Variants in ALPK1 observed in about 807,000 individuals in gnomAD.
ALPK1 encodes alpha-protein kinase 1.
A neutral mutation model predicts 120.6 loss-of-function variants in ALPK1; 110 were observed. The observed-to-expected ratio is 0.91, with a 90% CI of 0.78 to 1.07. ALPK1 has a LOEUF of 1.07. Among genes scored for constraint, ALPK1 ranks in the 50% least tolerant of loss-of-function variants. The probability of loss-of-function intolerance (pLI) is 0.00; values close to 1 mark genes in which losing one functional copy is unlikely to be tolerated. For synonymous variants in ALPK1, 582 were observed against 560.3 expected (o/e 1.04, Z -0.55); for missense variants, 1,498 against 1,483.9 (o/e 1.01, Z -0.16).
chr4:112,373,423 A>G (rs949402828), intron 2 of ALPK1, among the ~76,000 whole-genome samples: 2 of 152,238 alleles, frequency 1.3e-5, no homozygotes, highest in African/African-American at 4.8e-5. Context: ...TGTGACTTAT[A>G]GACATTTGAG....
At chr4:112,436,862 A>C (rs1734810716) in intron 12 of ALPK1, among the ~76,000 whole-genome samples, 1 of 152,230 alleles carries the variant, frequency 6.6e-6, no homozygotes, top group Non-Finnish European at 1.5e-5. Flanking sequence ...ATTGAGAATA[A>C]GAGACATAGA....
At chr4:112,325,588 G>A (rs143773255) in intron 2 of ALPK1, among the ~76,000 whole-genome samples, 52 of 152,220 alleles carry the variant, frequency 3.4e-4, no homozygotes, top group African/African-American at 1.2e-3. Context: ...GGACCACTGT[G>A]GCCCTCGTGT....
Position 112,337,080 on chromosome 4 carries a change from TTC to T in ALPK1, c.-101+21230_-101+21231del, listed in dbSNP as rs1268459524. Among the ~76,000 whole-genome samples, 4 of 152,148 alleles carry T rather than the reference TTC, an allele frequency of 2.6e-5. 1 individual carries two copies. The highest frequency in any genetic ancestry group is 5.9e-5 in the Non-Finnish European group (4 of 68,004). Reference sequence around the variant, plus strand: ...AATACTGTTTTTATTCCTTTTCCCATTCTGAAAAGAGTCCTTTTTTTATTAGA... The same window carrying T: ...AATACTGTTTTTATTCCTTTTCCCATTGAAAAGAGTCCTTTTTTTATTAGA... On this transcript the variant is annotated intron_variant, in intron 2 of 15. Coordinates refer to ENST00000650871, the MANE Select transcript of ALPK1 (RefSeq NM_025144.4).
At chr4:112,398,898 G>C (rs1732786119) in intron 4 of ALPK1, among the ~76,000 whole-genome samples, 1 of 152,186 alleles carries the variant, frequency 6.6e-6, no homozygotes, top group Non-Finnish European at 1.5e-5. Flanking sequence ...CACAAACGTG[G>C]AGTCAAAACT....
chr4:112,318,961 A>T (rs530123828), intron 2 of ALPK1, among the ~76,000 whole-genome samples: 15 of 152,222 alleles, frequency 9.9e-5, no homozygotes, highest in Non-Finnish European at 2.2e-4. Flanking sequence ...TGGACCCTCC[A>T]TGCCAAGTTC....
Position 112,427,597 on chromosome 4 carries a change from G to A in ALPK1, c.727G>A (p.Ala243Thr), listed in dbSNP as rs373860176. The A allele has an allele frequency of 1.9e-6, 3 of 1,613,980 alleles. No individual in the cohort carries two copies. The highest frequency in any genetic ancestry group is 2.2e-5 in the South Asian group (2 of 91,062). ...KGLSTSLGIL[A>T]DIFVSMSKND... ...CCTCTCCACGTCGCTAGGTATACTG[G>A]CAGACATCTTTGTTTCCATGAGCAA... Residue 243 changes from alanine to threonine, a missense_variant, in exon 9 of 16, where the codon GCA becomes ACA. Transcript: ENST00000650871.
In ALPK1 at chr4:112,357,628, C is replaced by G; in HGVS notation, c.-100-20050C>G. On this transcript the variant is annotated intron_variant, in intron 2 of 15. Transcript: ENST00000650871. ...TTTCCCAGTCTGCCTGGAGAACCCA[C>G]ACATCATCGACAAGCACCAGATCTG... 1.9e-6 allele frequency: 3 copies of G among 1,607,788 alleles called. No individual in the cohort carries two copies. In the Admixed American group the frequency reaches 5.0e-5, roughly 27 times the overall value.
At chr4:112,314,637 T>C (rs1185969734) in intron 1 of ALPK1, among the ~76,000 whole-genome samples, 1 of 152,152 alleles carries the variant, frequency 6.6e-6, no homozygotes, top group Non-Finnish European at 1.5e-5. Context: ...GGAGCCAAAA[T>C]GCCCTGAGAA....
In ALPK1 at chr4:112,435,148, G is replaced by A. The variant is rs1560689631; in HGVS notation, c.3035G>A (p.Ser1012Asn). 2 of 1,594,530 alleles carry A rather than the reference G, an allele frequency of 1.3e-6. No individual in the cohort carries two copies. Among genetic ancestry groups the A allele is most frequent in the Admixed American group, 3.7e-5 (2 of 53,974 alleles). ...TCATTTTCATCTTTTTTTTTCCCAG[G>A]TGCTCTTTTGTTAAAATATTCAAAA... is the stretch of plus-strand genomic sequence containing the variant. Reference protein sequence around the residue: ...FKPSQLHRAHSALLLKYSKKS... With the variant: ...FKPSQLHRAHNALLLKYSKKS... Residue 1012 changes from serine (S) to asparagine (N), a missense_variant and splice_region_variant, in exon 12 of 16, where the codon AGT becomes AAT. Transcript: ENST00000650871.
intron 2 of ALPK1, among the ~76,000 whole-genome samples, chr4:112,319,279 C>G (rs1281668017): frequency 1.3e-5 from 2 of 152,190 alleles, no homozygotes; most frequent in African/African-American, 4.8e-5. Flanking sequence ...TACAAGAGAA[C>G]ATGACCAAAG....
intron 2 of ALPK1, among the ~76,000 whole-genome samples, chr4:112,341,923 G>A (rs1229869321): frequency 6.6e-6 from 1 of 152,156 alleles, no homozygotes; most frequent in Non-Finnish European, 1.5e-5. Flanking sequence ...TGAGGCCACA[G>A]GTTTCTCCAG....
At chr4:112,336,999 G>A (rs962911031) in intron 2 of ALPK1, among the ~76,000 whole-genome samples, 4 of 151,910 alleles carry the variant, frequency 2.6e-5, no homozygotes, top group Non-Finnish European at 4.4e-5. Flanking sequence ...AAGTTTTCAT[G>A]TTTTAAAATT....
chr4:112,430,938 C>T lies in ALPK1; in HGVS notation c.1391C>T (p.Thr464Ile), dbSNP rs1240657063. The T allele has an allele frequency of 1.2e-6, 2 of 1,613,990 alleles. No homozygotes were observed. Among genetic ancestry groups the T allele is most frequent in the East Asian group, 2.2e-5 (1 of 44,896 alleles). The change falls in exon 11 of 16, where the codon ACT becomes ATT. Residue 464 changes from threonine (T) to isoleucine (I), a missense_variant. Coordinates refer to ENST00000650871, the MANE Select transcript of ALPK1 (RefSeq NM_025144.4). Reference sequence around the variant, plus strand: ...CTTGACACCTATTCACAGCACCATACTTCGGTGTGTGAAGTATTTGAAAGT... The same window carrying T: ...CTTGACACCTATTCACAGCACCATATTTCGGTGTGTGAAGTATTTGAAAGT... Reference protein sequence around the residue: ...KILDTYSQHHTSVCEVFESDC... With the variant: ...KILDTYSQHHISVCEVFESDC...
At chr4:112,356,164 C>T (rs536454302) in intron 2 of ALPK1, 2 of 1,606,940 alleles carry the variant, frequency 1.2e-6, no homozygotes, top group South Asian at 1.1e-5. Context: ...ATGGTGTGAC[C>T]GTAGACTTCC....
chr4:112,431,304 T>G lies in ALPK1; in HGVS notation c.1757T>G (p.Leu586Ter). The G allele has an allele frequency of 6.2e-7, 1 of 1,614,148 alleles. No homozygotes were observed. The highest frequency in any genetic ancestry group is 1.6e-4 in the Middle Eastern group (1 of 6,062). The change falls in exon 11 of 16, where the codon TTA becomes TGA. Residue 586 changes from leucine to a stop codon, truncating the protein, a stop_gained. Transcript: ENST00000650871. LOFTEE classifies it high-confidence loss of function. ...CAGACTTCCAGTGCTTGGAGCAACT[T>G]ATCAGGGTTTAGTTCCTCTGCAAGC... ...GSQTSSAWSN[L>*]SGFSSSASWE...
chr4:112,432,946 A>G (rs1485065803), intron 11 of ALPK1, among the ~76,000 whole-genome samples: 2 of 152,238 alleles, frequency 1.3e-5, no homozygotes, highest in African/African-American at 2.4e-5. Flanking sequence ...CTCATTACCA[A>G]TCAGGTGATT....
At chr4:112,411,046 G>C (rs1326194274) in intron 4 of ALPK1, 3 of 154,824 alleles carry the variant, frequency 1.9e-5, no homozygotes, top group Non-Finnish European at 4.4e-5. Context: ...GATAGGAAGG[G>C]TAGGAGAAGG....
intron 2 of ALPK1, chr4:112,357,954 CG>C: frequency 2.6e-6 from 2 of 757,400 alleles, no homozygotes; most frequent in Non-Finnish European, 2.3e-6. Context: ...TTGCCTCCCC[CG>C]GGGTCTACCG....
chr4:112,410,348 CTCTGCA>C (rs1436487038), intron 4 of ALPK1, among the ~76,000 whole-genome samples: 1 of 152,208 alleles, frequency 6.6e-6, no homozygotes, highest in African/African-American at 2.4e-5. Flanking sequence ...CACTTCACCT[CTCTGCA>C]TCTCAGGTTT....
Sources: gnomAD v4.1 joint callset for allele counts (sites outside exome capture counted in the v4.1 genomes callset) on GRCh38, gnomAD v4.1.1 for gene constraint, MANE v1.5 for transcripts, NCBI Gene and HGNC (gene_info 2026-07-23, HGNC 2026-07-21) for gene names.